ANTXR2: variants seen among roughly 807,000 people sequenced by gnomAD.
ANTXR2 encodes anthrax toxin receptor 2.
In ANTXR2, 44 loss-of-function variants were observed where a neutral mutation model predicts 73.7. The ratio of observed to expected loss-of-function variants is 0.60; its 90% confidence interval spans 0.47 to 0.77. The LOEUF (loss-of-function observed/expected upper bound fraction) is 0.77. Among genes scored for constraint, ANTXR2 ranks in the 30% least tolerant of loss-of-function variants. The probability of loss-of-function intolerance (pLI) is 0.00; values close to 1 mark genes in which losing one functional copy is unlikely to be tolerated. For synonymous variants in ANTXR2, 217 were observed against 205.9 expected (o/e 1.05, Z -0.46); for missense variants, 604 against 592.5 (o/e 1.02, Z -0.20).
chr4:80,012,756 G>A (rs180796449), intron 11 of ANTXR2, among the ~76,000 whole-genome samples: 70 of 152,278 alleles, frequency 4.6e-4, no homozygotes, highest in African/African-American at 1.6e-3. Flanking sequence ...CCCTTTTGCA[G>A]GGACAGTAAG....
intron 12 of ANTXR2, among the ~76,000 whole-genome samples, chr4:79,993,754 A>ACG (rs1730589978): frequency 8.7e-6 from 1 of 114,952 alleles, no homozygotes; most frequent in African/African-American, 3.8e-5. Flanking sequence ...CCACACACAC[A>ACG]CACACGCACA....
At chr4:79,977,936 G>A (rs1729708314) in intron 15 of ANTXR2, 71 bp downstream of exon 15, 5 of 1,469,834 alleles carry the variant, frequency 3.4e-6, no homozygotes, top group East Asian at 4.6e-5. Flanking sequence ...TAGCTGGGGG[G>A]ATGTGGTACA....
intron 16 of ANTXR2, among the ~76,000 whole-genome samples, chr4:79,966,847 A>AC (rs1729385638): frequency 6.6e-6 from 1 of 152,192 alleles, no homozygotes; most frequent in South Asian, 2.1e-4. Flanking sequence ...TCTTTTTGGC[A>AC]CAAGTTGCCT....
intron 16 of ANTXR2, among the ~76,000 whole-genome samples, chr4:79,927,853 G>GAAAATAAC (rs1297140365): frequency 6.6e-6 from 1 of 152,098 alleles, no homozygotes; most frequent in Non-Finnish European, 1.5e-5. Flanking sequence ...AAAAAATAAA[G>GAAAATAAC]AAAATAACAA....
chr4:79,925,426 AAATTTG>A (rs1727746481), intron 16 of ANTXR2, among the ~76,000 whole-genome samples: 1 of 152,086 alleles, frequency 6.6e-6, no homozygotes, highest in African/African-American at 2.4e-5. Context: ...AAGAAAAAGC[AAATTTG>A]AATTCCAGGC....
chr4:80,054,690 T>A (rs971800532), intron 6 of ANTXR2, among the ~76,000 whole-genome samples: 3 of 151,590 alleles, frequency 2.0e-5, no homozygotes, highest in Admixed American at 2.0e-4. Context: ...ACTTCATGAG[T>A]GAAACATTTT....
chr4:79,974,231 G>A (rs1032493783), intron 16 of ANTXR2, among the ~76,000 whole-genome samples: 4 of 152,020 alleles, frequency 2.6e-5, no homozygotes, highest in Non-Finnish European at 4.4e-5. Flanking sequence ...TTGCAGGTAA[G>A]AAAACATCAG....
At position 79,907,665 on chromosome 4, in the gene ANTXR2, C is replaced by A. The variant is rs146087664; in HGVS notation, c.1429-198G>T. 1.6e-4 allele frequency among the ~76,000 whole-genome samples: 25 copies of A among 152,054 alleles called. 1 individual carries two copies. Among genetic ancestry groups the A allele is most frequent in the African/African-American group, 5.5e-4 (23 of 41,476 alleles). ...CAGATCTTTTCCACAGTAAGTTCAC[C>A]TATGAGATGGTATGGTATAATTAAT... is the stretch of plus-strand genomic sequence containing the variant. On this transcript the variant is annotated intron_variant, in intron 16 of 16. Transcript: ENST00000403729.
At chr4:79,936,835 T>C (rs765791555) in intron 16 of ANTXR2, among the ~76,000 whole-genome samples, 4 of 152,152 alleles carry the variant, frequency 2.6e-5, no homozygotes, top group Non-Finnish European at 5.9e-5. Context: ...CCTAGTACAA[T>C]GGTACTACAC....
chr4:80,072,572 G>T lies in ANTXR2; in HGVS notation c.-12C>A. 1 of 1,523,404 alleles carries T rather than the reference G, an allele frequency of 6.6e-7. No homozygotes were observed. The allele number at this position is 1,523,404 out of a possible 1,614,324, so 94.4% of individuals were successfully genotyped here. A position where few individuals can be genotyped will look rare whatever the true frequency, so the allele number is the denominator to read the frequency against. On this transcript the variant is annotated 5_prime_UTR_variant, in exon 1 of 17. Coordinates refer to ENST00000403729, the MANE Select transcript of ANTXR2 (RefSeq NM_058172.6). ...CGCTCCGCCACCATCCTGCGGCCGG[G>T]GGCCTGAGACTCCCTCCCGCTCGCA...
chr4:80,071,747 AG>A (rs2110127889), intron 1 of ANTXR2, 93 bp from the exon 2 acceptor site: 2 of 1,005,476 alleles, frequency 2.0e-6, no homozygotes, highest in East Asian at 4.9e-5. Flanking sequence ...CCACGAACAT[AG>A]GGGCACCTGG....
At chr4:79,922,210 G>GCAAGT (rs1228718232) in intron 16 of ANTXR2, among the ~76,000 whole-genome samples, 1 of 152,024 alleles carries the variant, frequency 6.6e-6, no homozygotes, top group Non-Finnish European at 1.5e-5. Context: ...ATGTGCAGAT[G>GCAAGT]CAAGTCTAAA....
rs1000968129 is a variant in ANTXR2, at chr4:79,907,085, T to A, written c.*344A>T. On this transcript the variant is annotated 3_prime_UTR_variant, in exon 17 of 17. Transcript: ENST00000403729. Reference sequence around the variant, plus strand: ...TTGTTTTGTGGTCCTTGTTTTGGTATCATCTTCGTGTTGTTGCTGTTGTTG... The same window carrying A: ...TTGTTTTGTGGTCCTTGTTTTGGTAACATCTTCGTGTTGTTGCTGTTGTTG... The A allele has an allele frequency of 3.4e-6, 1 of 290,982 alleles. No individual in the cohort carries two copies. Among genetic ancestry groups the A allele is most frequent in the Non-Finnish European group, 6.3e-6 (1 of 157,922 alleles). 18.0% of individuals were successfully genotyped at this position (290,982 alleles called of 1,614,324 possible). A position where few individuals can be genotyped will look rare whatever the true frequency, so the allele number is the denominator to read the frequency against.
intron 16 of ANTXR2, among the ~76,000 whole-genome samples, chr4:79,975,439 A>G (rs1463116997): frequency 1.3e-5 from 2 of 152,212 alleles, no homozygotes; most frequent in Non-Finnish European, 2.9e-5. Context: ...GAATTGAATC[A>G]AAATTAATAG....
In ANTXR2 at chr4:79,923,808, A is replaced by C. The variant is rs542897702; in HGVS notation, c.1429-16341T>G. ...TCAAATAAATAAATATTTGTAGAAG[A>C]AGCATGGTTTTTCTTCACACAAGTG... On this transcript the variant is annotated intron_variant, in intron 16 of 16. Coordinates refer to ENST00000403729, the MANE Select transcript of ANTXR2 (RefSeq NM_058172.6). 1.5e-3 allele frequency among the ~76,000 whole-genome samples: 229 copies of C among 152,268 alleles called. 3 individuals carry two copies. Among genetic ancestry groups the C allele is most frequent in the Admixed American group, 1.9e-3 (29 of 15,282 alleles).
At chr4:80,070,361 T>C (rs1578201653) in intron 2 of ANTXR2, among the ~76,000 whole-genome samples, 2 of 152,240 alleles carry the variant, frequency 1.3e-5, no homozygotes, top group African/African-American at 4.8e-5. Flanking sequence ...ACCAGATCAA[T>C]GAGTTAAGAT....
In ANTXR2 at chr4:79,975,685, G is replaced by C. The variant is rs13434752; in HGVS notation, c.1428+1936C>G. 6.3e-3 allele frequency among the ~76,000 whole-genome samples: 961 copies of C among 152,254 alleles called. 7 individuals are homozygous for C. The highest frequency in any genetic ancestry group is 0.022 in the African/African-American group (934 of 41,554). ...CAATTTTAAAATACATGAAGTTAAA[G>C]TCTAGCATGTAGAAGAGGAAGAAGA... On this transcript the variant is annotated intron_variant, in intron 16 of 16. Coordinates refer to ENST00000403729, the MANE Select transcript of ANTXR2 (RefSeq NM_058172.6).
At chr4:80,020,803 T>G (rs535926723) in intron 10 of ANTXR2, among the ~76,000 whole-genome samples, 1 of 152,350 alleles carries the variant, frequency 6.6e-6, no homozygotes, top group African/African-American at 2.4e-5. Flanking sequence ...AATCAAAATA[T>G]AGAAATACTT....
intron 16 of ANTXR2, among the ~76,000 whole-genome samples, chr4:79,951,600 A>G (rs555598350): frequency 6.6e-6 from 1 of 151,772 alleles, no homozygotes; most frequent in Non-Finnish European, 1.5e-5. Context: ...ACAAAAAAAA[A>G]AAAACAACAA....
Sources: allele counts gnomAD v4.1 joint callset (sites outside exome capture counted in the v4.1 genomes callset), GRCh38; gene constraint gnomAD v4.1.1; transcripts MANE v1.5; gene names NCBI Gene and HGNC (gene_info 2026-07-23, HGNC 2026-07-21).